Variants in UGT1A1 observed in about 807,000 individuals in gnomAD.
UGT1A1 encodes the protein UDP glucuronosyltransferase family 1 member A1.
UGT1A1 carries 33 observed loss-of-function variants against 40.6 expected under a neutral mutation model. That is an observed-to-expected ratio of 0.81 (90% CI 0.62 to 1.09). The LOEUF is 1.09. Ranked by LOEUF, UGT1A1 falls within the 50% of genes least tolerant of loss-of-function variation. The pLI, the probability that UGT1A1 is intolerant of heterozygous loss-of-function variation, is 0.00. For missense variants in UGT1A1, 694 were observed against 671.2 expected (o/e 1.03, Z -0.38); for synonymous variants, 249 against 265.0 (o/e 0.94, Z 0.59).
intron 2 of UGT1A1, 138 bp from the exon 3 acceptor site, chr2:233,767,711 C>A: frequency 2.6e-6 from 4 of 1,531,084 alleles, no homozygotes; most frequent in Non-Finnish European, 3.5e-6. Context: ...TCCTCAGAAG[C>A]CTTCACAGTT....
chr2:233,769,469 G>T lies in UGT1A1; in HGVS notation c.1304+1030G>T. On this transcript the variant is annotated intron_variant, in intron 4 of 4. Coordinates refer to ENST00000305208, the MANE Select transcript of UGT1A1 (RefSeq NM_000463.3). The surrounding 1 kb of genome is among the most constrained non-coding windows in gnomAD (Gnocchi z 4.4). ...CACACGTGTGCATTCATATGCGTGT[G>T]TGTGTGTGTGCGTGTGTTTATGAGA... 2 of 1,610,132 alleles carry T rather than the reference G, an allele frequency of 1.2e-6. No homozygotes were observed.
chr2:233,761,066 T>G lies in UGT1A1; in HGVS notation c.779T>G (p.Phe260Cys). Residue 260 changes from phenylalanine (F) to cysteine (C), a missense_variant, in exon 1 of 5, where the codon TTT becomes TGT. Coordinates refer to ENST00000305208, the MANE Select transcript of UGT1A1 (RefSeq NM_000463.3). ...SASVWLFRSD[F>C]VKDYPRPIMP... The stretch of plus-strand genomic sequence containing the variant: ...TCTGTCTGGCTGTTTAGAAGTGACT[T>G]TGTGAAGGATTACCCTAGGCCCATC... The G allele has an allele frequency of 6.2e-7, 1 of 1,614,188 alleles. No individual in the cohort carries two copies. Among genetic ancestry groups the G allele is most frequent in the Non-Finnish European group, 8.5e-7 (1 of 1,180,024 alleles).
chr2:233,767,728 C>A, intron 2 of UGT1A1, 121 bp from the exon 3 acceptor site: 1 of 1,556,454 alleles, frequency 6.4e-7, no homozygotes, highest in Non-Finnish European at 8.7e-7. Context: ...AGTTACTGAT[C>A]CTCCCACTCT....
chr2:233,772,026 TG>T lies in UGT1A1; in HGVS notation c.1305-234del, dbSNP rs35071442. On this transcript the variant is annotated intron_variant, in intron 4 of 4. Transcript: ENST00000305208. Reference sequence around the variant, plus strand: ...TACTCTGGAGGCTGAGGCAGGAGGATGGCTTGAGCCCAGGAGTTGGAGGCTG... The same window carrying T: ...TACTCTGGAGGCTGAGGCAGGAGGATGCTTGAGCCCAGGAGTTGGAGGCTG... 2.7e-3 allele frequency among the ~76,000 whole-genome samples: 414 copies of T among 152,300 alleles called. 2 individuals carry two copies. Among genetic ancestry groups the T allele is most frequent in the African/African-American group, 9.1e-3 (379 of 41,546 alleles).
Position 233,772,346 on chromosome 2 carries a change from GT to G in UGT1A1, c.1392del (p.Phe464LeufsTer2), listed in dbSNP as rs773231664. The G allele has an allele frequency of 6.2e-7, 1 of 1,614,250 alleles. No individual in the cohort carries two copies. Among genetic ancestry groups the G allele is most frequent in the South Asian group, 1.1e-5 (1 of 91,090 alleles). ...PLDLAVFWVE[F>X]VMRHKGAPHL... ...TGGACCTGGCCGTGTTCTGGGTGGA[GT>G]TTGTGATGAGGCACAAGGGCGCGCC... On this transcript the variant is annotated frameshift_variant, in exon 5 of 5. Transcript: ENST00000305208. LOFTEE classifies it high-confidence loss of function.
intron 1 of UGT1A1, among the ~76,000 whole-genome samples, chr2:233,764,553 G>A (rs1698592090): frequency 1.3e-5 from 2 of 152,198 alleles, no homozygotes; most frequent in South Asian, 4.1e-4. Flanking sequence ...GTGTGGGAGG[G>A]TGTGCCTGGA....
rs1222829087 is a variant in UGT1A1, at chr2:233,767,177, C to G, written c.996+12C>G. 1 of 1,614,030 alleles carries G rather than the reference C, an allele frequency of 6.2e-7. No individual in the cohort carries two copies. Among genetic ancestry groups the G allele is most frequent in the South Asian group, 1.1e-5 (1 of 91,054 alleles). ...AAATCCCTCAGACAGTAAGAAGATT[C>G]TATACCATGGCCTCATATCTATTTT... On this transcript the variant is annotated intron_variant, in intron 2 of 4. Coordinates refer to ENST00000305208, the MANE Select transcript of UGT1A1 (RefSeq NM_000463.3).
intron 4 of UGT1A1, chr2:233,771,145 C>T (rs1356050343): frequency 6.6e-6 from 1 of 152,246 alleles, no homozygotes; most frequent in Non-Finnish European, 1.5e-5. Context: ...AAACACCTCC[C>T]ACCAGGCCCC....
rs772038779 is a variant in UGT1A1, at chr2:233,760,317, A to G, written c.30A>G (p.Pro10=). 2 of 1,613,898 alleles carry G rather than the reference A, an allele frequency of 1.2e-6. No homozygotes were observed. The highest frequency in any genetic ancestry group is 2.7e-5 in the African/African-American group (2 of 74,942). The part of the protein sequence containing the change: MAVESQGGR[P]LVLGLLLCVL... ...CTGTGGAGTCCCAGGGCGGACGCCC[A>G]CTTGTCCTGGGCCTGCTGCTGTGTG... is the stretch of plus-strand genomic sequence containing the variant. The change falls in exon 1 of 5, where the codon CCA becomes CCG. Residue 10 remains proline, a synonymous_variant. Transcript: ENST00000305208.
chr2:233,768,652 T>C (rs1699688984), intron 4 of UGT1A1, among the ~76,000 whole-genome samples: 1 of 146,762 alleles, frequency 6.8e-6, no homozygotes, highest in Non-Finnish European at 1.5e-5. Flanking sequence ...AGTGGTGCAA[T>C]CTTGGCTTAC....
intron 1 of UGT1A1, among the ~76,000 whole-genome samples, chr2:233,761,774 C>T (rs1257781750): frequency 1.3e-5 from 2 of 152,222 alleles, no homozygotes; most frequent in Non-Finnish European, 2.9e-5. Context: ...GCATTCACAT[C>T]CTCATCGAAA....
At chr2:233,766,654 A>G (rs1414675173) in intron 1 of UGT1A1, among the ~76,000 whole-genome samples, 3 of 152,054 alleles carry the variant, frequency 2.0e-5, no homozygotes, top group Non-Finnish European at 4.4e-5. Flanking sequence ...ATTTAAAGGG[A>G]CCACGCCCTT....
Position 233,767,830 on chromosome 2 carries a change from C to A in UGT1A1, c.997-19C>A. 6.2e-7 allele frequency: 1 copy of A among 1,614,170 alleles called. No homozygotes were observed. The highest frequency in any genetic ancestry group is 8.5e-7 in the Non-Finnish European group (1 of 1,180,024). Reference sequence around the variant, plus strand: ...TATTATGTTCTTTCTTTACGTTCTGCTCTTTTTGCCCCTCCCAGGTCCTGT... The same window carrying A: ...TATTATGTTCTTTCTTTACGTTCTGATCTTTTTGCCCCTCCCAGGTCCTGT... On this transcript the variant is annotated intron_variant, in intron 2 of 4. Coordinates refer to ENST00000305208, the MANE Select transcript of UGT1A1 (RefSeq NM_000463.3).
intron 1 of UGT1A1, among the ~76,000 whole-genome samples, chr2:233,761,459 C>T (rs974462920): frequency 3.9e-5 from 6 of 152,156 alleles, no homozygotes; most frequent in African/African-American, 1.4e-4. Context: ...TTTGGGGCAC[C>T]CTGCAGAAAA....
rs753668254 is a variant in UGT1A1 at position 233,760,974 on chromosome 2, G to A, written c.687G>A (p.Pro229=). Residue 229 remains proline (P), a synonymous_variant, in exon 1 of 5, where the codon CCG becomes CCA. Coordinates refer to ENST00000305208, the MANE Select transcript of UGT1A1 (RefSeq NM_000463.3). ...TTCTGTGCGACGTGGTTTATTCCCC[G>A]TATGCAACCCTTGCCTCAGAATTCC... The part of the protein sequence containing the change: ...QNFLCDVVYS[P]YATLASEFLQ... 78 of 1,614,002 alleles carry A rather than the reference G, an allele frequency of 4.8e-5. No individual in the cohort carries two copies. Among genetic ancestry groups the A allele is most frequent in the Admixed American group, 2.5e-4 (15 of 59,996 alleles).
chr2:233,772,614 C>T lies in UGT1A1; in HGVS notation c.*55C>T, dbSNP rs1700539224. ...GAACCATTCCCTAGTCATTTCCAAA[C>T]TTGAAAACAGAATCAGTGTTAAATT... On this transcript the variant is annotated 3_prime_UTR_variant, in exon 5 of 5. Transcript: ENST00000305208. The T allele has an allele frequency of 1.3e-6, 2 of 1,575,828 alleles. No homozygotes were observed. The highest frequency in any genetic ancestry group is 1.7e-6 in the Non-Finnish European group (2 of 1,159,834).
At chr2:233,770,350 T>C (rs1700063045) in intron 4 of UGT1A1, 1 of 152,104 alleles carries the variant, frequency 6.6e-6, no homozygotes, top group Non-Finnish European at 1.5e-5. Flanking sequence ...CAATTACTAT[T>C]GAATGAATGA....
Position 233,769,613 on chromosome 2 carries a change from C to A in UGT1A1, c.1304+1174C>A. 6 of 1,612,708 alleles carry A rather than the reference C, an allele frequency of 3.7e-6. No individual in the cohort carries two copies. Among genetic ancestry groups the A allele is most frequent in the Non-Finnish European group, 5.1e-6 (6 of 1,179,824 alleles). Reference sequence around the variant, plus strand: ...GAGACGGAACACGGGGACACACCAGCTTGAGCAAGGGACAACAGGGGAGGA... The same window carrying A: ...GAGACGGAACACGGGGACACACCAGATTGAGCAAGGGACAACAGGGGAGGA... On this transcript the variant is annotated intron_variant, in intron 4 of 4. Transcript: ENST00000305208. The surrounding 1 kb of genome is among the most constrained non-coding windows in gnomAD (Gnocchi z 4.4).
intron 4 of UGT1A1, among the ~76,000 whole-genome samples, chr2:233,771,990 C>T (rs1700432517): frequency 6.6e-6 from 1 of 152,154 alleles, no homozygotes; most frequent in African/African-American, 2.4e-5. Flanking sequence ...TGGTGCATGA[C>T]TAATTCCAGC....
Sources: gnomAD v4.1 joint callset for allele counts (sites outside exome capture counted in the v4.1 genomes callset) on GRCh38, gnomAD v4.1.1 for gene constraint, Gnocchi (gnomAD v3.1) non-coding constraint, MANE v1.5 for transcripts, NCBI Gene and HGNC (gene_info 2026-07-23, HGNC 2026-07-21) for gene names.